VWA8: variants seen among roughly 807,000 people sequenced by gnomAD.
VWA8 encodes the protein von Willebrand factor A domain containing 8, also known as von Willebrand factor A domain-containing protein 8.
A neutral mutation model predicts 241.5 loss-of-function variants in VWA8; 221 were observed. The observed-to-expected ratio is 0.91, with a 90% CI of 0.82 to 1.02. The LOEUF is 1.02. Ranked by LOEUF, VWA8 falls within the 50% of genes least tolerant of loss-of-function variation. The pLI is 0.00. For synonymous variants in VWA8, 852 were observed against 827.1 expected (o/e 1.03, Z -0.52); for missense variants, 2,322 against 2,328.7 (o/e 1.00, Z 0.06).
chr13:41,806,358 A>G (rs957209582), intron 17 of VWA8, among the ~76,000 whole-genome samples: 2 of 152,210 alleles, frequency 1.3e-5, no homozygotes, highest in African/African-American at 4.8e-5. Flanking sequence ...AATTAGTACA[A>G]GAAAAGAGAT....
chr13:41,905,916 T>G (rs532981289), intron 4 of VWA8, among the ~76,000 whole-genome samples: 44 of 152,216 alleles, frequency 2.9e-4, no homozygotes, highest in African/African-American at 9.9e-4. Flanking sequence ...AGGTACATTA[T>G]TTTTTCCCAT....
intron 12 of VWA8, among the ~76,000 whole-genome samples, chr13:41,861,464 G>C (rs1873003069): frequency 2.0e-5 from 3 of 151,978 alleles, no homozygotes; most frequent in Non-Finnish European, 4.4e-5. Context: ...AGAGTAATCA[G>C]GCAAGACCAA....
intron 17 of VWA8, chr13:41,807,885 A>C (rs1320655893): frequency 2.0e-5 from 3 of 152,234 alleles, no homozygotes; most frequent in Non-Finnish European, 2.9e-5. Flanking sequence ...AAAAAGAGCC[A>C]GTCAAAACTC....
chr13:41,850,003 T>C (rs1013499427), intron 12 of VWA8, among the ~76,000 whole-genome samples: 2 of 152,250 alleles, frequency 1.3e-5, no homozygotes, highest in African/African-American at 4.8e-5. Flanking sequence ...TCCTTATGTC[T>C]GGAGTTACTC....
intron 14 of VWA8, among the ~76,000 whole-genome samples, chr13:41,825,778 G>T (rs1327646893): frequency 6.6e-6 from 1 of 152,174 alleles, no homozygotes; most frequent in Non-Finnish European, 1.5e-5. Context: ...GTACAGAAAT[G>T]AAAGGACAGA....
chr13:41,947,370 G>T (rs1477482275), intron 2 of VWA8, among the ~76,000 whole-genome samples: 1 of 152,202 alleles, frequency 6.6e-6, no homozygotes, highest in Non-Finnish European at 1.5e-5. Context: ...ATTAGATCAA[G>T]AAATTAATAG....
At chr13:41,731,454 A>C (rs772885366) in intron 22 of VWA8, among the ~76,000 whole-genome samples, 1 of 152,224 alleles carries the variant, frequency 6.6e-6, no homozygotes, top group Non-Finnish European at 1.5e-5. Context: ...ACTTTAAAAA[A>C]AAATCTGGAA....
Position 41,866,011 on chromosome 13 carries a change from C to T in VWA8, c.1238G>A (p.Ser413Asn). 3 of 1,614,148 alleles carry T rather than the reference C, an allele frequency of 1.9e-6. No homozygotes were observed. Among genetic ancestry groups the T allele is most frequent in the Non-Finnish European group, 2.5e-6 (3 of 1,180,012 alleles). Residue 413 changes from serine (S) to asparagine (N), a missense_variant, in exon 11 of 45, where the codon AGT becomes AAT. By Grantham distance (46) the Ser-to-Asn change is conservative. Transcript: ENST00000379310. ...GAAACGGTCTGACGCACAAGGTTGA[C>T]TTAATAGCCTGGTCCCGGCTGGCAC... ...IKVPAGTRLLSQPCASDRFIQ... is the reference protein window; with the variant it reads ...IKVPAGTRLLNQPCASDRFIQ...
chr13:41,794,197 A>C (rs1869585746), intron 17 of VWA8, among the ~76,000 whole-genome samples: 1 of 152,002 alleles, frequency 6.6e-6, no homozygotes, highest in African/African-American at 2.4e-5. Context: ...GTTTAATGGG[A>C]ATAACATTGA....
At chr13:41,573,486 A>AAAAAATAAATAAATATATAT in intron 43 of VWA8, among the ~76,000 whole-genome samples, 2 of 113,614 alleles carry the variant, frequency 1.8e-5, no homozygotes, top group African/African-American at 6.9e-5. Flanking sequence ...AAAAAAAAAA[A>AAAAAATAAATAAATATATAT]ATATATATAT....
chr13:41,576,545 A>G (rs1374260968), intron 42 of VWA8, among the ~76,000 whole-genome samples: 3 of 152,218 alleles, frequency 2.0e-5, no homozygotes, highest in African/African-American at 7.2e-5. Flanking sequence ...AGGAAGTGAG[A>G]AGAAGGGTTT....
chr13:41,805,924 T>C (rs995445845), intron 17 of VWA8, among the ~76,000 whole-genome samples: 26 of 152,010 alleles, frequency 1.7e-4, no homozygotes, highest in African/African-American at 6.3e-4. Flanking sequence ...AGAATACACA[T>C]TCTTCTCAGC....
chr13:41,881,883 G>C (rs1874229335), intron 9 of VWA8, among the ~76,000 whole-genome samples: 2 of 148,902 alleles, frequency 1.3e-5, no homozygotes, highest in South Asian at 4.3e-4. Context: ...CTCCCGGACG[G>C]GGCGGCTGGC....
At chr13:41,678,149 G>A (rs1211071989) in intron 35 of VWA8, among the ~76,000 whole-genome samples, 1 of 152,176 alleles carries the variant, frequency 6.6e-6, no homozygotes, top group Non-Finnish European at 1.5e-5. Context: ...GGATTCTAGA[G>A]TTGGAATCAC....
At chr13:41,691,819 A>G (rs561026246) in intron 31 of VWA8, 55 bp downstream of exon 31, 1 of 1,337,480 alleles carries the variant, frequency 7.5e-7, no homozygotes, top group South Asian at 1.2e-5. Flanking sequence ...AAAATAGGAA[A>G]TAGAATGGGC....
chr13:41,927,628 G>C (rs922762540), intron 2 of VWA8, among the ~76,000 whole-genome samples: 1 of 150,448 alleles, frequency 6.6e-6, no homozygotes, highest in Non-Finnish European at 1.5e-5. Flanking sequence ...ACAATACAGA[G>C]AAAGAAATCA....
In VWA8 at chr13:41,701,476, A is replaced by T. The variant is rs1433484901; in HGVS notation, c.3280T>A (p.Ser1094Thr). 1 of 1,612,062 alleles carries T rather than the reference A, an allele frequency of 6.2e-7. No individual in the cohort carries two copies. Among genetic ancestry groups the T allele is most frequent in the Admixed American group, 1.7e-5 (1 of 59,792 alleles). Reference protein sequence around the residue: ...EYPIERHEERSLNFTEECASW... With the variant: ...EYPIERHEERTLNFTEECASW... ...GCACATTCTTCAGTAAAGTTTAGGG[A>T]TCTTTCTTCATGTCTTTCTATTGGA... The change falls in exon 28 of 45, where the codon TCC becomes ACC. Residue 1094 changes from serine to threonine, a missense_variant. By Grantham distance (58) the Ser-to-Thr change is moderately conservative. Coordinates refer to ENST00000379310, the MANE Select transcript of VWA8 (RefSeq NM_015058.2).
chr13:41,683,971 A>G (rs1159672215), intron 35 of VWA8, among the ~76,000 whole-genome samples: 1 of 152,170 alleles, frequency 6.6e-6, no homozygotes, highest in East Asian at 1.9e-4. Flanking sequence ...CACATGGAGT[A>G]CCCCTTTCCT....
chr13:41,881,734 C>T (rs1874211531), intron 9 of VWA8, among the ~76,000 whole-genome samples: 1 of 146,066 alleles, frequency 6.8e-6, no homozygotes, highest in Non-Finnish European at 1.5e-5. Context: ...GGGGGCTGAC[C>T]CCCCCACCTC....
Sources: allele counts gnomAD v4.1 joint callset (sites outside exome capture counted in the v4.1 genomes callset), GRCh38; gene constraint gnomAD v4.1.1; transcripts MANE v1.5; gene names NCBI Gene and HGNC (gene_info 2026-07-23, HGNC 2026-07-21).